The following MS4A8 variants were observed in gnomAD, a reference collection of about 807,000 sequenced individuals.
MS4A8 encodes membrane spanning 4-domains A8, also known as membrane-spanning 4-domains subfamily A member 8.
In MS4A8, 27 loss-of-function variants were observed where a neutral mutation model predicts 23.7. The ratio of observed to expected loss-of-function variants is 1.14; its 90% CI spans 0.84 to 1.57. The LOEUF (loss-of-function observed/expected upper bound fraction) is 1.57. Among genes scored for constraint, MS4A8 ranks in the 40% most tolerant of loss-of-function variants. MS4A8 has a pLI of 0.00. For synonymous variants in MS4A8, 138 were observed against 126.3 expected, an observed-to-expected ratio of 1.09 and a Z score of -0.62; for missense variants, 301 against 311.4, an observed-to-expected ratio of 0.97 and a Z score of 0.25.
chr11:60,703,423 A>G lies in MS4A8; in HGVS notation c.265A>G (p.Ile89Val), dbSNP rs142107924. 935 of 1,604,626 alleles carry G rather than the reference A, an allele frequency of 5.8e-4. 1 individual carries two copies. The highest frequency in any genetic ancestry group is 7.5e-4 in the Non-Finnish European group (885 of 1,176,330). Residue 89 changes from isoleucine to valine, a missense_variant, in exon 3 of 7, where the codon ATC (isoleucine) becomes GTC (valine). Physicochemically the swap from Ile to Val is conservative, Grantham distance 29. Transcript: ENST00000300226. ...CCTGGCTCACATCGGCCTCGGCTCC[A>G]TCATGGCGACGGTTCTCGTAGGGGA... is the stretch of plus-strand genomic sequence containing the variant. ...IGLAHIGLGS[I>V]MATVLVGEYL...
chr11:60,701,159 A>C (rs1216253066), intron 2 of MS4A8, 80 bp downstream of exon 2: 2 of 1,313,114 alleles, frequency 1.5e-6, no homozygotes, highest in Non-Finnish European at 1.1e-6. Context: ...TGGGAAATAC[A>C]CAAACACTAC....
chr11:60,714,114 C>T (rs868770759), intron 5 of MS4A8, among the ~76,000 whole-genome samples: 15 of 145,742 alleles, frequency 1.0e-4, no homozygotes, highest in South Asian at 4.2e-4. Context: ...TTAGTAGAGA[C>T]AGGGTTTCAC....
chr11:60,701,132 A>C, intron 2 of MS4A8, 53 bp downstream of exon 2: 3 of 1,534,282 alleles, frequency 2.0e-6, no homozygotes, highest in Non-Finnish European at 2.7e-6. Flanking sequence ...GAGTGATGGC[A>C]GGGGGAAGGG....
At position 60,703,363 on chromosome 11, in the gene MS4A8, T is replaced by C; in HGVS notation, c.220-15T>C. 6.5e-7 allele frequency: 1 copy of C among 1,532,966 alleles called. No homozygotes were observed. Among genetic ancestry groups the C allele is most frequent in the Non-Finnish European group, 8.8e-7 (1 of 1,141,584 alleles). 95.0% of individuals were successfully genotyped at this position (1,532,966 alleles called of 1,614,324 possible). A position where few individuals can be genotyped will look rare whatever the true frequency, so the allele number is the denominator to read the frequency against. On this transcript the variant is annotated splice_polypyrimidine_tract_variant and intron_variant, in intron 2 of 6. Transcript: ENST00000300226. ...GCCTCAGAAACAAGACTTCAGCTTG[T>C]GGCTCTCCTGACAGGCCATCCAGAT...
At chr11:60,703,300 TA>T in intron 2 of MS4A8, 77 bp from the exon 3 acceptor site, 1 of 1,412,842 alleles carries the variant, frequency 7.1e-7, no homozygotes, top group South Asian at 1.7e-5. Flanking sequence ...AAACATTTAT[TA>T]AAATTAAAAG....
intron 4 of MS4A8, 152 bp downstream of exon 4, chr11:60,707,199 CTG>C: frequency 1.3e-6 from 1 of 779,588 alleles, no homozygotes; most frequent in Non-Finnish European, 2.2e-6. Context: ...CTCATACAGA[CTG>C]GCCACAGGAG....
At chr11:60,704,867 T>TAC (rs979767433) in intron 3 of MS4A8, among the ~76,000 whole-genome samples, 68 of 131,792 alleles carry the variant, frequency 5.2e-4, no homozygotes, top group African/African-American at 7.8e-4. Flanking sequence ...CAAACACACA[T>TAC]ACACACACAC....
intron 5 of MS4A8, among the ~76,000 whole-genome samples, chr11:60,709,518 G>A (rs2088284074): frequency 6.6e-6 from 1 of 152,144 alleles, no homozygotes; most frequent in Non-Finnish European, 1.5e-5. Context: ...TTTGCATTTG[G>A]GGAACTAAAT....
intron 4 of MS4A8, among the ~76,000 whole-genome samples, chr11:60,707,789 T>G (rs2088268835): frequency 6.6e-6 from 1 of 150,844 alleles, no homozygotes; most frequent in African/African-American, 2.4e-5. Flanking sequence ...TCCCAGAGAT[T>G]ATTCTTTTTT....
At chr11:60,705,447 G>C (rs2088247680) in intron 3 of MS4A8, among the ~76,000 whole-genome samples, 1 of 152,214 alleles carries the variant, frequency 6.6e-6, no homozygotes, top group South Asian at 2.1e-4. Context: ...CTTTTGCTCT[G>C]CAGGGCAGTT....
At position 60,707,048 on chromosome 11, in the gene MS4A8, G is replaced by C; in HGVS notation, c.402+1G>C. On this transcript the variant is annotated splice_donor_variant, in intron 4 of 6. Coordinates refer to ENST00000300226, the MANE Select transcript of MS4A8 (RefSeq NM_031457.2). LOFTEE classifies it high-confidence loss of function. ...AAATCAGCCATATTCTTATTGCCTGGTAAGTTACATTCTGAGACCAGCTCT... is the reference window on the plus strand; with the variant it reads ...AAATCAGCCATATTCTTATTGCCTGCTAAGTTACATTCTGAGACCAGCTCT... 1 of 1,613,306 alleles carries C rather than the reference G, an allele frequency of 6.2e-7. No homozygotes were observed. The highest frequency in any genetic ancestry group is 8.5e-7 in the Non-Finnish European group (1 of 1,179,288).
At chr11:60,705,051 A>G (rs1248324838) in intron 3 of MS4A8, among the ~76,000 whole-genome samples, 3 of 152,108 alleles carry the variant, frequency 2.0e-5, no homozygotes, top group Non-Finnish European at 4.4e-5. Context: ...GTGCCAGCCC[A>G]AGTCCCTCTA....
chr11:60,707,309 CG>C (rs1638480688), intron 4 of MS4A8, among the ~76,000 whole-genome samples: 14 of 147,568 alleles, frequency 9.5e-5, no homozygotes, highest in Admixed American at 3.4e-4. Flanking sequence ...GTATGGAGAG[CG>C]AGAGAGAGAG....
chr11:60,701,040 G>C lies in MS4A8; in HGVS notation c.180G>C (p.Gln60His). ...PPSLVSNVNG[Q>H]PVQKALKEGK... ...GTTTGGTGTCGAATGTGAATGGGCA[G>C]CCTGTGCAGAAAGCTCTGAAAGAAG... The change falls in exon 2 of 7, where the codon CAG (glutamine) becomes CAC (histidine). Residue 60 changes from glutamine to histidine, a missense_variant. Transcript: ENST00000300226. The C allele has an allele frequency of 6.2e-7, 1 of 1,614,162 alleles. No homozygotes were observed.
At chr11:60,703,596 G>T (rs1007856322) in intron 3 of MS4A8, 96 bp downstream of exon 3, 23 of 1,428,860 alleles carry the variant, frequency 1.6e-5, no homozygotes, top group African/African-American at 4.4e-5. Flanking sequence ...CCTGCAGAAG[G>T]TTCCCAGCCA....
intron 5 of MS4A8, among the ~76,000 whole-genome samples, chr11:60,711,583 C>T (rs769706312): frequency 2.6e-5 from 4 of 152,200 alleles, no homozygotes; most frequent in Non-Finnish European, 5.9e-5. Flanking sequence ...ACCCCAGCTA[C>T]TCCCGTCCAC....
chr11:60,712,235 C>T (rs1190324422), intron 5 of MS4A8: 9 of 699,492 alleles, frequency 1.3e-5, no homozygotes, highest in Non-Finnish European at 1.6e-5. Flanking sequence ...GAACCTCTCC[C>T]TCCTCAGTGC....
intron 5 of MS4A8, 159 bp downstream of exon 5, chr11:60,708,940 C>A (rs2088280007): frequency 1.3e-6 from 1 of 782,374 alleles, no homozygotes; most frequent in Non-Finnish European, 2.0e-6. Context: ...TGACCCATAG[C>A]TTTAAGCACA....
At chr11:60,701,377 G>C (rs1442931649) in intron 2 of MS4A8, 4 of 521,826 alleles carry the variant, frequency 7.7e-6, no homozygotes, top group Non-Finnish European at 7.4e-6. Flanking sequence ...TGTGGCCTCT[G>C]AAGAAAGGGG....
Sources: allele counts gnomAD v4.1 joint callset (sites outside exome capture counted in the v4.1 genomes callset), GRCh38; gene constraint gnomAD v4.1.1; transcripts MANE v1.5; gene names NCBI Gene and HGNC (gene_info 2026-07-23, HGNC 2026-07-21).